The following NR3C2 variants were observed in gnomAD, a reference collection of about 807,000 sequenced individuals.
NR3C2 encodes mineralocorticoid receptor.
NR3C2 carries 15 observed loss-of-function variants against 86.4 expected under a neutral mutation model. The ratio of observed to expected loss-of-function variants is 0.17; its 90% CI spans 0.12 to 0.27. The LOEUF is 0.27. Ranked by LOEUF, NR3C2 falls within the 10% of genes least tolerant of loss-of-function variation. The probability of loss-of-function intolerance (pLI) is 1.00; values close to 1 mark genes in which losing one functional copy is unlikely to be tolerated. For missense variants in NR3C2, 960 were observed against 1,195.6 expected (o/e 0.80, Z 2.91); for synonymous variants, 458 against 450.5 (o/e 1.02, Z -0.21).
intron 3 of NR3C2, among the ~76,000 whole-genome samples, chr4:148,223,484 T>C (rs952512499): frequency 4.6e-5 from 7 of 152,206 alleles, no homozygotes; most frequent in African/African-American, 1.2e-4. Context: ...AATAAATATC[T>C]GGTAGTTGAT....
intron 2 of NR3C2, among the ~76,000 whole-genome samples, chr4:148,323,022 G>T (rs1451340501): frequency 6.7e-6 from 1 of 149,356 alleles, no homozygotes; most frequent in African/African-American, 2.5e-5. Context: ...ATCTACTTTT[G>T]GTCTTTGATG....
At chr4:148,282,680 C>T (rs1448139614) in intron 2 of NR3C2, among the ~76,000 whole-genome samples, 1 of 152,048 alleles carries the variant, frequency 6.6e-6, no homozygotes, top group East Asian at 1.9e-4. Flanking sequence ...GGAGGGGGTG[C>T]AGTCCCAGGG....
chr4:148,319,394 T>C (rs1743421912), intron 2 of NR3C2, among the ~76,000 whole-genome samples: 1 of 152,248 alleles, frequency 6.6e-6, no homozygotes, highest in East Asian at 1.9e-4. Context: ...TTTCAAGTAG[T>C]TTTTTCCAAT....
At chr4:148,282,882 C>G (rs921725737) in intron 2 of NR3C2, among the ~76,000 whole-genome samples, 2 of 152,034 alleles carry the variant, frequency 1.3e-5, no homozygotes, top group African/African-American at 4.8e-5. Flanking sequence ...GTGGGCCTTA[C>G]TGGACTGCAA....
intron 6 of NR3C2, among the ~76,000 whole-genome samples, chr4:148,148,862 A>G (rs1364955397): frequency 6.6e-6 from 1 of 152,126 alleles, no homozygotes; most frequent in Admixed American, 6.5e-5. Flanking sequence ...TTCTCTCACT[A>G]TTCTAAAACT....
chr4:148,391,112 T>C (rs1199441820), intron 2 of NR3C2, among the ~76,000 whole-genome samples: 1 of 152,232 alleles, frequency 6.6e-6, no homozygotes. Context: ...CATAAGGAAA[T>C]GATTCTCTGC....
chr4:148,116,659 G>A (rs1427252250), intron 7 of NR3C2, among the ~76,000 whole-genome samples: 1 of 151,948 alleles, frequency 6.6e-6, no homozygotes, highest in Non-Finnish European at 1.5e-5. Flanking sequence ...AGTTTTTATG[G>A]TTCATAAAAT....
At chr4:148,355,362 C>A (rs1745500726) in intron 2 of NR3C2, among the ~76,000 whole-genome samples, 1 of 152,154 alleles carries the variant, frequency 6.6e-6, no homozygotes, top group Admixed American at 6.6e-5. Flanking sequence ...AACGGCCTTG[C>A]ATTTATCATA....
chr4:148,258,027 A>T (rs1318494903), intron 3 of NR3C2, among the ~76,000 whole-genome samples: 1 of 152,238 alleles, frequency 6.6e-6, no homozygotes, highest in Non-Finnish European at 1.5e-5. Context: ...GAAACTACTT[A>T]AAACAAGAAA....
intron 2 of NR3C2, among the ~76,000 whole-genome samples, chr4:148,322,166 G>C (rs1166756235): frequency 6.7e-6 from 1 of 148,390 alleles, no homozygotes; most frequent in South Asian, 2.2e-4. Context: ...ATGAAATTCT[G>C]GGTTGAAAAT....
chr4:148,407,549 A>T (rs910968839), intron 2 of NR3C2, among the ~76,000 whole-genome samples: 3 of 152,242 alleles, frequency 2.0e-5, no homozygotes, highest in Non-Finnish European at 4.4e-5. Context: ...TAAAGTCTGT[A>T]TAAATTACCA....
chr4:148,423,706 T>TATG (rs1237184573), intron 2 of NR3C2, among the ~76,000 whole-genome samples: 1 of 152,084 alleles, frequency 6.6e-6, no homozygotes, highest in Non-Finnish European at 1.5e-5. Context: ...GAAAATTGCC[T>TATG]ATTATTATTA....
At position 148,080,721 on chromosome 4, in the gene NR3C2, T is replaced by C. The variant is rs1560909233; in HGVS notation, c.*623A>G. 3.0e-6 allele frequency: 1 copy of C among 330,558 alleles called. No homozygotes were observed. 20.5% of individuals were successfully genotyped at this position (330,558 alleles called of 1,614,324 possible). ...AATCAAACCAAGGCATTTAACATCATCTTATCCATTCTAATTAAATAAGAA... is the reference window on the plus strand; with the variant it reads ...AATCAAACCAAGGCATTTAACATCACCTTATCCATTCTAATTAAATAAGAA... On this transcript the variant is annotated 3_prime_UTR_variant, in exon 9 of 9. Coordinates refer to ENST00000358102, the MANE Select transcript of NR3C2 (RefSeq NM_000901.5).
chr4:148,114,608 A>AGG (rs1250799724), intron 7 of NR3C2, among the ~76,000 whole-genome samples: 1 of 152,228 alleles, frequency 6.6e-6, no homozygotes, highest in Non-Finnish European at 1.5e-5. Flanking sequence ...AAGGCAGAGA[A>AGG]GGGGTGGTAT....
chr4:148,309,901 GATA>G (rs2149934876), intron 2 of NR3C2, among the ~76,000 whole-genome samples: 1 of 151,060 alleles, frequency 6.6e-6, no homozygotes, highest in African/African-American at 2.4e-5. Flanking sequence ...GATAATATCT[GATA>G]CATCATAAGC....
At chr4:148,393,823 T>G (rs1245735793) in intron 2 of NR3C2, among the ~76,000 whole-genome samples, 1 of 152,208 alleles carries the variant, frequency 6.6e-6, no homozygotes, top group Non-Finnish European at 1.5e-5. Context: ...TGGAATACTC[T>G]GAAGGTATGG....
At chr4:148,335,530 G>A (rs1283104624) in intron 2 of NR3C2, among the ~76,000 whole-genome samples, 1 of 152,146 alleles carries the variant, frequency 6.6e-6, no homozygotes, top group Non-Finnish European at 1.5e-5. Flanking sequence ...ATCATCCAAT[G>A]AGAGCATCAT....
chr4:148,096,536 AAGG>A (rs1560919117), intron 8 of NR3C2, among the ~76,000 whole-genome samples: 1 of 152,216 alleles, frequency 6.6e-6, no homozygotes, highest in Non-Finnish European at 1.5e-5. Context: ...AGGTGAGATC[AAGG>A]TGTCTCAAGG....
chr4:148,399,133 G>T lies in NR3C2; in HGVS notation c.1757+35971C>A, dbSNP rs116062080. Among the ~76,000 whole-genome samples, 322 of 152,218 alleles carry T rather than the reference G, an allele frequency of 2.1e-3. 1 individual carries two copies. Among genetic ancestry groups the T allele is most frequent in the African/African-American group, 7.4e-3 (306 of 41,540 alleles). ...ATTCTTCAGCCATCCATTTAGCATT[G>T]CTTTGCATCCCTTAAAACAGTGGCC... On this transcript the variant is annotated intron_variant, in intron 2 of 8. Transcript: ENST00000358102.
Sources: allele counts gnomAD v4.1 joint callset (sites outside exome capture counted in the v4.1 genomes callset), GRCh38; gene constraint gnomAD v4.1.1; transcripts MANE v1.5; gene names NCBI Gene and HGNC (gene_info 2026-07-23, HGNC 2026-07-21).